The following SH2D4B variants were observed in gnomAD, a reference collection of about 807,000 sequenced individuals.
SH2D4B encodes SH2 domain containing 4B.
SH2D4B carries 45 observed loss-of-function variants against 61.5 expected under a neutral mutation model. The observed-to-expected ratio is 0.73, with a 90% CI of 0.58 to 0.94. SH2D4B has a LOEUF of 0.94. Among genes scored for constraint, SH2D4B ranks in the 40% least tolerant of loss-of-function variants. The pLI is 0.00. For synonymous variants in SH2D4B, 224 were observed against 220.4 expected, an observed-to-expected ratio of 1.02 and a Z score of -0.14; for missense variants, 572 against 574.2, an observed-to-expected ratio of 1.00 and a Z score of 0.04.
At chr10:80,625,056 T>C (rs892555587) in intron 6 of SH2D4B, among the ~76,000 whole-genome samples, 6 of 152,216 alleles carry the variant, frequency 3.9e-5, no homozygotes, top group African/African-American at 1.4e-4. Flanking sequence ...TTTCTTTGCT[T>C]CATTTATTGC....
intron 7 of SH2D4B, among the ~76,000 whole-genome samples, chr10:80,642,155 G>A (rs1004149600): frequency 1.1e-4 from 16 of 152,098 alleles, no homozygotes; most frequent in Admixed American, 2.0e-4. Context: ...GCAGTGGTGC[G>A]ATCATAGCTC....
chr10:80,642,216 C>T (rs4934386), intron 7 of SH2D4B, among the ~76,000 whole-genome samples: 26,589 of 152,142 alleles, frequency 0.17, 2,826 homozygotes, highest in Admixed American at 0.28. Context: ...CTCAGCATCC[C>T]TAGTAGCTGG....
chr10:80,594,323 C>T (rs1842363158), intron 4 of SH2D4B, among the ~76,000 whole-genome samples: 1 of 152,204 alleles, frequency 6.6e-6, no homozygotes, highest in African/African-American at 2.4e-5. Context: ...GTCTCACATT[C>T]CTGGGATAAA....
chr10:80,632,788 G>C (rs767935424), intron 6 of SH2D4B, among the ~76,000 whole-genome samples: 1 of 151,974 alleles, frequency 6.6e-6, no homozygotes, highest in Non-Finnish European at 1.5e-5. Context: ...AGGCCTTCTG[G>C]GGGGAAGCAG....
intron 3 of SH2D4B, among the ~76,000 whole-genome samples, chr10:80,583,715 G>T (rs1378870705): frequency 6.6e-6 from 1 of 151,970 alleles, no homozygotes; most frequent in Non-Finnish European, 1.5e-5. Flanking sequence ...AAATGATAAG[G>T]CAGTTAGAAG....
intron 4 of SH2D4B, among the ~76,000 whole-genome samples, chr10:80,590,577 G>A (rs1224126758): frequency 6.6e-6 from 1 of 152,276 alleles, no homozygotes; most frequent in Non-Finnish European, 1.5e-5. Context: ...GGAGGAGGCT[G>A]TTGTGATGGT....
intron 3 of SH2D4B, among the ~76,000 whole-genome samples, chr10:80,587,150 T>TG: frequency 1.5e-5 from 1 of 64,950 alleles, no homozygotes; most frequent in Non-Finnish European, 2.6e-5. Flanking sequence ...TTTTTTGTTT[T>TG]GTTTTTTTTT....
At chr10:80,545,036 A>G (rs935583737) in intron 1 of SH2D4B, among the ~76,000 whole-genome samples, 2 of 152,124 alleles carry the variant, frequency 1.3e-5, no homozygotes, top group African/African-American at 4.8e-5. Context: ...AAACCTGCCT[A>G]CTTTTCTTCC....
chr10:80,637,009 C>G (rs1250252488), intron 7 of SH2D4B, among the ~76,000 whole-genome samples: 1 of 152,200 alleles, frequency 6.6e-6, no homozygotes, highest in Non-Finnish European at 1.5e-5. Flanking sequence ...CTACTTATGG[C>G]TAACCAGTTT....
intron 7 of SH2D4B, chr10:80,643,102 G>A (rs993547316): frequency 6.6e-6 from 1 of 152,580 alleles, no homozygotes; most frequent in African/African-American, 2.4e-5. Context: ...ATTAGGATGT[G>A]TCTTTCTTTT....
In SH2D4B at chr10:80,609,469, C is replaced by T. The variant is rs144024335; in HGVS notation, c.906C>T (p.Ile302=). Reference sequence around the variant, plus strand: ...TGCGCCCAGTCTCCAGAGATGTCATCGTCCGCTGGTTTAAGGAGGAGCAGC... The same window carrying T: ...TGCGCCCAGTCTCCAGAGATGTCATTGTCCGCTGGTTTAAGGAGGAGCAGC... ...RPLRPVSRDV[I]VRWFKEEQLP... The change falls in exon 6 of 8, where the codon ATC becomes ATT. Residue 302 remains isoleucine, a synonymous_variant. Coordinates refer to ENST00000646907, the MANE Select transcript of SH2D4B (RefSeq NM_001388272.1). The T allele has an allele frequency of 1.1e-4, 173 of 1,614,196 alleles. No individual in the cohort carries two copies. The East Asian group carries it at 1.8e-3, about 17-fold the overall frequency.
intron 1 of SH2D4B, among the ~76,000 whole-genome samples, chr10:80,568,852 T>C (rs2132116824): frequency 6.6e-6 from 1 of 152,314 alleles, no homozygotes; most frequent in South Asian, 2.1e-4. Flanking sequence ...TTATTCCTAA[T>C]GTTCTATTTT....
intron 1 of SH2D4B, among the ~76,000 whole-genome samples, chr10:80,548,790 G>C (rs1841716443): frequency 1.3e-5 from 2 of 152,178 alleles, no homozygotes; most frequent in African/African-American, 4.8e-5. Flanking sequence ...TAGTCTATGG[G>C]ACCAGCCACA....
chr10:80,600,684 A>G (rs1003018638), intron 4 of SH2D4B, among the ~76,000 whole-genome samples: 1 of 152,174 alleles, frequency 6.6e-6, no homozygotes, highest in Admixed American at 6.5e-5. Flanking sequence ...TTTGAGGAAG[A>G]GAATGGTAAG....
chr10:80,570,283 G>A lies in SH2D4B; in HGVS notation c.314G>A (p.Arg105Gln), dbSNP rs374399363. 7.1e-5 allele frequency: 115 copies of A among 1,613,516 alleles called. No individual in the cohort carries two copies. Among genetic ancestry groups the A allele is most frequent in the Non-Finnish European group, 9.1e-5 (107 of 1,179,986 alleles). ...ISEELIAERA[R>Q]LQAQREAEEL... The stretch of plus-strand genomic sequence containing the variant: ...GAGGAGCTGATTGCAGAGAGGGCGC[G>A]GCTGCAGGCACAGAGGGAAGCTGAG... Residue 105 changes from arginine to glutamine, a missense_variant, in exon 2 of 8, where the codon CGG (arginine) becomes CAG (glutamine). Arg to Gln is a conservative substitution (Grantham distance 43). Transcript: ENST00000646907.
At chr10:80,592,545 T>C (rs532171932) in intron 4 of SH2D4B, among the ~76,000 whole-genome samples, 1 of 152,240 alleles carries the variant, frequency 6.6e-6, no homozygotes, top group Non-Finnish European at 1.5e-5. Flanking sequence ...TTTGATTTAA[T>C]TTTTGTGTGA....
intron 1 of SH2D4B, among the ~76,000 whole-genome samples, chr10:80,568,874 C>A (rs774981981): frequency 1.6e-4 from 24 of 152,274 alleles, no homozygotes; most frequent in Non-Finnish European, 1.9e-4. Flanking sequence ...CAACCTCCTC[C>A]CTTAGAATGA....
intron 3 of SH2D4B, among the ~76,000 whole-genome samples, chr10:80,586,455 C>A (rs896776934): frequency 6.6e-6 from 1 of 152,156 alleles, no homozygotes; most frequent in South Asian, 2.1e-4. Context: ...CCTGTGTCTA[C>A]CTCAGGGTTT....
Position 80,538,541 on chromosome 10 carries a change from G to A in SH2D4B, c.184+26G>A, listed in dbSNP as rs1841537298. ...GTACGTGGCTGGGAGTCACAGAGAG[G>A]TAGGCCACCAGTCCCCCAGGAGGTA... On this transcript the variant is annotated intron_variant, in intron 1 of 7. Coordinates refer to ENST00000646907, the MANE Select transcript of SH2D4B (RefSeq NM_001388272.1). This position sits in a 1 kb window ranked among gnomAD's most constrained non-coding sequence, Gnocchi z 4.8. 2 of 1,344,416 alleles carry A rather than the reference G, an allele frequency of 1.5e-6. No homozygotes were observed. Among genetic ancestry groups the A allele is most frequent in the Admixed American group, 7.5e-5 (2 of 26,498 alleles). The allele number at this position is 1,344,416 out of a possible 1,614,324, so 83.3% of individuals were successfully genotyped here. A position where few individuals can be genotyped will look rare whatever the true frequency, so the allele number is the denominator to read the frequency against.
Sources: gnomAD v4.1 joint callset for allele counts (sites outside exome capture counted in the v4.1 genomes callset) on GRCh38, gnomAD v4.1.1 for gene constraint, Gnocchi (gnomAD v3.1) non-coding constraint, MANE v1.5 for transcripts, NCBI Gene and HGNC (gene_info 2026-07-23, HGNC 2026-07-21) for gene names.